Variants in RANBP2 observed in about 807,000 individuals in gnomAD.
RANBP2 encodes RAN binding protein 2.
RANBP2 carries 57 observed loss-of-function variants against 303.6 expected under a neutral mutation model. That is an observed-to-expected ratio of 0.19 (90% CI 0.15 to 0.23). The LOEUF is 0.23. RANBP2 is among the 10% of genes least tolerant of loss of function. RANBP2 has a pLI of 1.00. For synonymous variants in RANBP2, 1,167 were observed against 1,301.5 expected (o/e 0.90, Z 2.23); for missense variants, 3,138 against 3,780.8 (o/e 0.83, Z 4.46).
the RANBP2 span, among the ~76,000 whole-genome samples, chr2:109,017,182 TTC>T: frequency 6.6e-6 from 1 of 152,250 alleles, no homozygotes; most frequent in Non-Finnish European, 1.5e-5. Flanking sequence ...ACCTTTGCCA[TTC>T]TCTGCGTGCC....
chr2:109,490,851 G>A, the RANBP2 span: 2 of 1,536,318 alleles, frequency 1.3e-6, no homozygotes, highest in Non-Finnish European at 1.7e-6. Flanking sequence ...AGGCTCCTTG[G>A]ATCTAAACTT....
the RANBP2 span, among the ~76,000 whole-genome samples, chr2:108,857,268 G>A: frequency 1.3e-5 from 2 of 151,694 alleles, no homozygotes; most frequent in East Asian, 1.9e-4. Context: ...TGGTAGAGAC[G>A]GGGTTTCACC....
At chr2:109,179,655 C>T in the RANBP2 span, among the ~76,000 whole-genome samples, 1 of 152,142 alleles carries the variant, frequency 6.6e-6, no homozygotes, top group South Asian at 2.1e-4. Context: ...AATGTGCTAG[C>T]TAAGGTCTCT....
At chr2:108,823,019 A>G in the RANBP2 span, among the ~76,000 whole-genome samples, 1 of 152,242 alleles carries the variant, frequency 6.6e-6, no homozygotes, top group African/African-American at 2.4e-5. Flanking sequence ...GTTATCAACA[A>G]TTGCATGCCA....
chr2:108,787,940 C>T (rs1189055790), downstream of RANBP2: 2 of 1,093,742 alleles, frequency 1.8e-6, no homozygotes, highest in Admixed American at 5.7e-5. Context: ...CCACTCTAAC[C>T]TTTGTAATTA....
At chr2:109,432,529 C>T in the RANBP2 span, 1 of 1,613,662 alleles carries the variant, frequency 6.2e-7, no homozygotes, top group African/African-American at 1.3e-5. Context: ...CTACAAGCCC[C>T]AGAAGAGTGA....
the RANBP2 span, chr2:109,616,122 T>C: frequency 7.0e-7 from 1 of 1,434,966 alleles, no homozygotes; most frequent in Admixed American, 3.1e-5. Flanking sequence ...AATTGAATAC[T>C]AGGTGTTGTA....
the RANBP2 span, among the ~76,000 whole-genome samples, chr2:108,839,732 C>T: frequency 5.9e-5 from 9 of 151,994 alleles, no homozygotes; most frequent in South Asian, 1.5e-3. Context: ...TATCCTGTGA[C>T]CCTGAGCTTA....
chr2:108,910,840 G>A, the RANBP2 span: 1 of 1,614,096 alleles, frequency 6.2e-7, no homozygotes, highest in South Asian at 1.1e-5. Flanking sequence ...CCGGGTGGCT[G>A]GTGCAACAGG....
the RANBP2 span, among the ~76,000 whole-genome samples, chr2:109,254,335 T>G: frequency 6.6e-6 from 1 of 152,158 alleles, no homozygotes; most frequent in Admixed American, 6.5e-5. Flanking sequence ...TTTCTACCTG[T>G]ATAATCCTGT....
the RANBP2 span, among the ~76,000 whole-genome samples, chr2:108,918,488 G>A: frequency 9.2e-5 from 14 of 152,298 alleles, no homozygotes; most frequent in Admixed American, 3.9e-4. Flanking sequence ...CCTGAGTTTC[G>A]AATAAGCAAG....
At chr2:109,408,861 G>C in the RANBP2 span, among the ~76,000 whole-genome samples, 1 of 152,218 alleles carries the variant, frequency 6.6e-6, no homozygotes, top group Non-Finnish European at 1.5e-5. Context: ...CGCACAGGGA[G>C]GGGGGTCCAG....
chr2:109,668,767 C>A, the RANBP2 span, among the ~76,000 whole-genome samples: 1 of 152,232 alleles, frequency 6.6e-6, no homozygotes, highest in Admixed American at 6.5e-5. Flanking sequence ...AATGTCAAAG[C>A]AAATGAAACC....
the RANBP2 span, among the ~76,000 whole-genome samples, chr2:109,174,514 G>A: frequency 4.6e-5 from 7 of 152,202 alleles, no homozygotes; most frequent in Non-Finnish European, 1.0e-4. Context: ...CCAGGGCAAC[G>A]GGCAGTCCTG....
At chr2:109,687,345 G>T in the RANBP2 span, among the ~76,000 whole-genome samples, 1 of 152,032 alleles carries the variant, frequency 6.6e-6, no homozygotes, top group Non-Finnish European at 1.5e-5. Context: ...TTTGATTTTT[G>T]AGCACTTCTT....
At chr2:108,947,637 C>T in the RANBP2 span, among the ~76,000 whole-genome samples, 1 of 152,196 alleles carries the variant, frequency 6.6e-6, no homozygotes, top group Non-Finnish European at 1.5e-5. Context: ...GGACTTGCAC[C>T]CTCTGAAGCA....
At chr2:109,373,640 T>A in the RANBP2 span, among the ~76,000 whole-genome samples, 1 of 152,028 alleles carries the variant, frequency 6.6e-6, no homozygotes, top group Non-Finnish European at 1.5e-5. Context: ...GTAGTGACCT[T>A]GGGGATTCTG....
chr2:109,181,812 A>G, the RANBP2 span, among the ~76,000 whole-genome samples: 1 of 152,044 alleles, frequency 6.6e-6, no homozygotes, highest in Admixed American at 6.6e-5. Flanking sequence ...TCCATGCCAC[A>G]TTCTAAGACC....
downstream of RANBP2, chr2:108,788,226 C>T (rs1679251829): frequency 1.3e-6 from 1 of 778,208 alleles, no homozygotes. Flanking sequence ...CGAGACCACT[C>T]AGGCCAACAT....
Sources: gnomAD v4.1 joint callset for allele counts (sites outside exome capture counted in the v4.1 genomes callset) on GRCh38, gnomAD v4.1.1 for gene constraint, MANE v1.5 for transcripts, NCBI Gene and HGNC (gene_info 2026-07-23, HGNC 2026-07-21) for gene names.